PRRG1: variants seen among roughly 807,000 people sequenced by gnomAD.
PRRG1 encodes the protein proline rich and Gla domain 1, also known as transmembrane gamma-carboxyglutamic acid protein 1.
Under a neutral mutation model 11.8 loss-of-function variants are expected in PRRG1, and 5 were observed. The observed-to-expected ratio is 0.42, with a 90% CI of 0.22 to 0.89. The LOEUF (loss-of-function observed/expected upper bound fraction) is 0.89, where lower values mean the gene tolerates loss of function less well. Ranked by LOEUF, PRRG1 falls within the 40% of genes least tolerant of loss-of-function variation. PRRG1 has a pLI of 0.28. For synonymous variants in PRRG1, 66 were observed against 60.4 expected (o/e 1.09, Z -0.43); for missense variants, 155 against 166.1 (o/e 0.93, Z 0.37).
Position 37,453,157 on chromosome X carries a change from A to G in PRRG1, c.193A>G (p.Thr65Ala). 2 of 1,206,604 alleles carry G rather than the reference A, an allele frequency of 1.7e-6. No individual in the cohort carries two copies. The highest frequency in any genetic ancestry group is 2.2e-6 in the Non-Finnish European group (2 of 891,451). ...EKTKEFWSTY[T>A]KAQQGESNRG... is the part of the protein sequence containing the mutation. ...TCAGAAGGAGTTTTGGAGCACCTAC[A>G]CAAAAGCGCAACAAGGGGAGAGTAA... The change falls in exon 4 of 4, where the codon ACA becomes GCA. Residue 65 changes from threonine (T) to alanine (A), a missense_variant. By Grantham distance (58) the Thr-to-Ala change is moderately conservative (BLOSUM62 0). Transcript: ENST00000378628.
chrX:37,400,053 A>G (rs373392533), intron 1 of PRRG1, among the ~76,000 whole-genome samples: 1 of 111,242 alleles, frequency 9.0e-6, no homozygotes, highest in Admixed American at 9.5e-5. Flanking sequence ...ACACCCCACT[A>G]TCAACATTAG....
chrX:37,366,159 T>C (rs782084856), intron 1 of PRRG1, among the ~76,000 whole-genome samples: 7 of 111,934 alleles, frequency 6.3e-5, no homozygotes, highest in African/African-American at 2.3e-4. Flanking sequence ...CAACATAATA[T>C]AGGATATGGG....
chrX:37,349,424 A>G (rs1476521434), intron 1 of PRRG1, 29 bp downstream of exon 1: 1 of 112,245 alleles, frequency 8.9e-6, no homozygotes, highest in African/African-American at 3.2e-5. Context: ...CTGGGTTCCT[A>G]GCTGGGGAAA....
Position 37,406,224 on chromosome X carries a change from G to A in PRRG1, c.-26G>A. The stretch of plus-strand genomic sequence containing the variant: ...TTTTGTACAGGGAATCATCATCCAG[G>A]GACGTGCCAGAAACCACAAGAAAAC... On this transcript the variant is annotated 5_prime_UTR_variant, in exon 2 of 4. Transcript: ENST00000378628. 2 of 1,210,064 alleles carry A rather than the reference G, an allele frequency of 1.7e-6. No individual in the cohort carries two copies.
chrX:37,432,272 A>G (rs990286151), intron 3 of PRRG1, among the ~76,000 whole-genome samples: 6 of 106,147 alleles, frequency 5.7e-5, no homozygotes, highest in Non-Finnish European at 9.5e-5. Context: ...TATTTTTAGT[A>G]GAGACGGCTT....
chrX:37,392,525 CA>C (rs782287901), intron 1 of PRRG1, among the ~76,000 whole-genome samples: 79 of 90,653 alleles, frequency 8.7e-4, no homozygotes, highest in East Asian at 1.0e-3. Flanking sequence ...CCTGTCTATA[CA>C]AAAAAAAAAA....
chrX:37,415,084 C>G (rs1320698834), intron 2 of PRRG1, among the ~76,000 whole-genome samples: 1 of 112,026 alleles, frequency 8.9e-6, no homozygotes, highest in Non-Finnish European at 1.9e-5. Context: ...CTTAAAGCAT[C>G]TAGATCGTAT....
chrX:37,422,791 C>T (rs1436022266), intron 2 of PRRG1, among the ~76,000 whole-genome samples: 2 of 111,548 alleles, frequency 1.8e-5, no homozygotes, highest in Non-Finnish European at 3.8e-5. Context: ...GACATCATAG[C>T]ATCACAGTGT....
intron 2 of PRRG1, among the ~76,000 whole-genome samples, chrX:37,413,462 T>A (rs1438149882): frequency 9.0e-6 from 1 of 111,628 alleles, no homozygotes; most frequent in Non-Finnish European, 1.9e-5. Context: ...TGTCTTTCCA[T>A]GATTTGATGC....
chrX:37,401,988 A>T (rs1932005926), intron 1 of PRRG1, among the ~76,000 whole-genome samples: 1 of 111,435 alleles, frequency 9.0e-6, no homozygotes, highest in Non-Finnish European at 1.9e-5. Flanking sequence ...ATTAAAGAGG[A>T]TACAAACAAA....
intron 3 of PRRG1, among the ~76,000 whole-genome samples, chrX:37,443,079 G>A (rs1319392078): frequency 8.9e-6 from 1 of 112,112 alleles, no homozygotes; most frequent in African/African-American, 3.2e-5. Flanking sequence ...AGAACAGGTA[G>A]AGCCATTGTA....
Position 37,376,551 on chromosome X carries a change from GTATA to G in PRRG1, c.-42+27174_-42+27177del, listed in dbSNP as rs542194109. Among the ~76,000 whole-genome samples the G allele has an allele frequency of 5.9e-4, 16 of 26,913 alleles. 1 individual carries two copies. The highest frequency in any genetic ancestry group is 1.9e-3 in the East Asian group (1 of 525). The allele number at this position is 26,913 out of a possible 115,157, so 23.4% of individuals were successfully genotyped here. Reference sequence around the variant, plus strand: ...TCAGTGTTTAGTCAGAAATGTGAGTGTATATATATATATATATATATGTGCTGAG... The same window carrying G: ...TCAGTGTTTAGTCAGAAATGTGAGTGTATATATATATATATATGTGCTGAG... On this transcript the variant is annotated intron_variant, in intron 1 of 3. Transcript: ENST00000378628.
intron 1 of PRRG1, among the ~76,000 whole-genome samples, chrX:37,369,906 G>C (rs140496750): frequency 0.011 from 1,219 of 110,572 alleles, 7 homozygotes; most frequent in Non-Finnish European, 0.017. Context: ...TTTCTGCCAT[G>C]ATTATGAGGC....
chrX:37,371,384 T>G (rs1281045813), intron 1 of PRRG1, among the ~76,000 whole-genome samples: 4 of 112,079 alleles, frequency 3.6e-5, no homozygotes, highest in African/African-American at 1.3e-4. Context: ...CGCCCTCCAT[T>G]TGTCCATGTA....
At chrX:37,448,408 C>T (rs1298841104) in intron 3 of PRRG1, among the ~76,000 whole-genome samples, 2 of 111,709 alleles carry the variant, frequency 1.8e-5, no homozygotes, top group African/African-American at 6.5e-5. Flanking sequence ...TGGAGTTACA[C>T]CCTATGCAAA....
intron 1 of PRRG1, among the ~76,000 whole-genome samples, chrX:37,356,745 A>C (rs1930247952): frequency 9.0e-6 from 1 of 111,113 alleles, no homozygotes; most frequent in Non-Finnish European, 1.9e-5. Flanking sequence ...AAATTAAAAA[A>C]CTTTAGTTTT....
At chrX:37,387,944 G>A (rs1214971271) in intron 1 of PRRG1, among the ~76,000 whole-genome samples, 2 of 112,039 alleles carry the variant, frequency 1.8e-5, no homozygotes, top group African/African-American at 6.5e-5. Context: ...GGGGGTATAG[G>A]CATTGGGTAA....
At position 37,456,074 on chromosome X, in the gene PRRG1, A is replaced by G. The variant is rs1255406042; in HGVS notation, c.*2453A>G. 17 of 112,339 alleles carry G rather than the reference A, an allele frequency of 1.5e-4. No homozygotes were observed. The highest frequency in any genetic ancestry group is 5.5e-4 in the African/African-American group (17 of 30,963). 9.3% of individuals were successfully genotyped at this position (112,339 alleles called of 1,213,427 possible). A position where few individuals can be genotyped will look rare whatever the true frequency, so the allele number is the denominator to read the frequency against. Reference sequence around the variant, plus strand: ...TTTTTTTGTTTTTGAAAATATGGCCATTTTTCATAAAATGTTATTTGTGTT... The same window carrying G: ...TTTTTTTGTTTTTGAAAATATGGCCGTTTTTCATAAAATGTTATTTGTGTT... On this transcript the variant is annotated 3_prime_UTR_variant, in exon 4 of 4. Coordinates refer to ENST00000378628, the MANE Select transcript of PRRG1 (RefSeq NM_001142395.2).
At chrX:37,385,166 A>G (rs1280582200) in intron 1 of PRRG1, among the ~76,000 whole-genome samples, 4 of 112,400 alleles carry the variant, frequency 3.6e-5, no homozygotes, top group African/African-American at 9.7e-5. Flanking sequence ...TGAATGAGCT[A>G]CAACTATATG....
Sources: allele counts gnomAD v4.1 joint callset (sites outside exome capture counted in the v4.1 genomes callset), GRCh38; gene constraint gnomAD v4.1.1; transcripts MANE v1.5; gene names NCBI Gene and HGNC (gene_info 2026-07-23, HGNC 2026-07-21).